The following TOLLIP variants were observed in gnomAD, a reference collection of about 807,000 sequenced individuals.
TOLLIP encodes toll-interacting protein.
A neutral mutation model predicts 33.5 loss-of-function variants in TOLLIP; 16 were observed. The observed-to-expected ratio is 0.48, with a 90% confidence interval of 0.32 to 0.72. The LOEUF is 0.72. Ranked by LOEUF, TOLLIP falls within the 30% of genes least tolerant of loss-of-function variation. The pLI is 0.03. For missense variants in TOLLIP, 325 were observed against 396.6 expected, an observed-to-expected ratio of 0.82 and a Z score of 1.53; for synonymous variants, 176 against 163.7, an observed-to-expected ratio of 1.07 and a Z score of -0.57.
At chr11:1,305,298 G>C (rs1864395735) in intron 1 of TOLLIP, among the ~76,000 whole-genome samples, 1 of 152,238 alleles carries the variant, frequency 6.6e-6, no homozygotes, top group Non-Finnish European at 1.5e-5. Flanking sequence ...TGGCTCAGGT[G>C]CAGTCAGCAG....
At chr11:1,299,917 G>GGGGGAC (rs1864217206) in intron 1 of TOLLIP, among the ~76,000 whole-genome samples, 1 of 152,220 alleles carries the variant, frequency 6.6e-6, no homozygotes, top group South Asian at 2.1e-4. Context: ...ATGGAGACTC[G>GGGGGAC]GGGGACGGAG....
chr11:1,300,748 C>A (rs1371873330), intron 1 of TOLLIP, among the ~76,000 whole-genome samples: 3 of 152,230 alleles, frequency 2.0e-5, no homozygotes, highest in African/African-American at 7.2e-5. Flanking sequence ...CACATGCAGT[C>A]CTGGCCTCAC....
intron 4 of TOLLIP, among the ~76,000 whole-genome samples, chr11:1,287,286 C>T (rs1437372872): frequency 1.3e-5 from 2 of 152,222 alleles, no homozygotes; most frequent in Non-Finnish European, 2.9e-5. Context: ...TGTCATGAGA[C>T]ATTTACACAT....
intron 4 of TOLLIP, 55 bp downstream of exon 4, chr11:1,288,569 C>G: frequency 1.3e-6 from 2 of 1,555,526 alleles, no homozygotes; most frequent in Non-Finnish European, 1.7e-6. Context: ...GGCATAGCCC[C>G]GACGTGCTCC....
chr11:1,309,370 G>A (rs973876266), intron 1 of TOLLIP, 96 bp downstream of exon 1: 6 of 710,928 alleles, frequency 8.4e-6, no homozygotes, highest in Non-Finnish European at 1.1e-5. Flanking sequence ...CCGCGGAGTC[G>A]GCCCGCCAGC....
chr11:1,295,880 G>A, intron 1 of TOLLIP, 86 bp from the exon 2 acceptor site: 2 of 1,451,750 alleles, frequency 1.4e-6, no homozygotes, highest in Non-Finnish European at 9.2e-7. Context: ...CATTCCCGCG[G>A]CCCCGCCCCC....
chr11:1,277,287 G>T lies in TOLLIP; in HGVS notation c.611-34C>A. ...AAAGATCAAGTTTGGTAAAAACGTC[G>T]GAAAGTTCCAGAAGTGCCACACTAG... On this transcript the variant is annotated intron_variant, in intron 5 of 5. Transcript: ENST00000317204. The surrounding 1 kb of genome is among the most constrained non-coding windows in gnomAD (Gnocchi z 4.2). 10 of 1,496,162 alleles carry T rather than the reference G, an allele frequency of 6.7e-6. No individual in the cohort carries two copies. The highest frequency in any genetic ancestry group is 9.0e-6 in the Non-Finnish European group (10 of 1,114,004). The allele number at this position is 1,496,162 out of a possible 1,614,324, so 92.7% of individuals were successfully genotyped here. A position where few individuals can be genotyped will look rare whatever the true frequency, so the allele number is the denominator to read the frequency against.
At chr11:1,291,092 T>G (rs920633342) in intron 2 of TOLLIP, 2 of 152,292 alleles carry the variant, frequency 1.3e-5, no homozygotes, top group African/African-American at 4.8e-5. Flanking sequence ...AGTGAACGTG[T>G]GTTCAGAATA....
rs779418567 is a variant in TOLLIP at position 1,287,405 on chromosome 11, C to T, written c.519+1219G>A. ...CAGCTCCCTGCTGCTGCCTCCCCGCCGCAGCCTCCCCGCCGCACCCTCCCC... is the reference window on the plus strand; with the variant it reads ...CAGCTCCCTGCTGCTGCCTCCCCGCTGCAGCCTCCCCGCCGCACCCTCCCC... On this transcript the variant is annotated intron_variant, in intron 4 of 5. Coordinates refer to ENST00000317204, the MANE Select transcript of TOLLIP (RefSeq NM_019009.4). Among the ~76,000 whole-genome samples the T allele has an allele frequency of 6.3e-3, 757 of 119,484 alleles. 156 individuals are homozygous for T. The highest frequency in any genetic ancestry group is 8.2e-3 in the Non-Finnish European group (449 of 55,008). 78.4% of individuals were successfully genotyped at this position (119,484 alleles called of 152,430 possible). A position where few individuals can be genotyped will look rare whatever the true frequency, so the allele number is the denominator to read the frequency against.
intron 3 of TOLLIP, among the ~76,000 whole-genome samples, chr11:1,289,614 C>T (rs912998242): frequency 3.5e-5 from 5 of 143,490 alleles, no homozygotes; most frequent in East Asian, 2.1e-4. Flanking sequence ...CCCAGCGGGG[C>T]GGACACATGC....
rs574347097 is a variant in TOLLIP at position 1,282,141 on chromosome 11, C to A, written c.610+3861G>T. Among the ~76,000 whole-genome samples the A allele has an allele frequency of 2.0e-5, 3 of 152,370 alleles. No individual in the cohort carries two copies. The South Asian group carries it at 6.2e-4, about 32-fold the overall frequency. ...GAACCAGGGCTCCTGGGAGAAACAGCTAACGCCAGGGCTAAGGCCGGAAAT... is the reference window on the plus strand; with the variant it reads ...GAACCAGGGCTCCTGGGAGAAACAGATAACGCCAGGGCTAAGGCCGGAAAT... On this transcript the variant is annotated intron_variant, in intron 5 of 5. Coordinates refer to ENST00000317204, the MANE Select transcript of TOLLIP (RefSeq NM_019009.4).
intron 5 of TOLLIP, chr11:1,283,331 G>A: frequency 2.9e-6 from 1 of 340,356 alleles, no homozygotes; most frequent in Non-Finnish European, 5.7e-6. Context: ...GCAAGGCCAT[G>A]GAGGGCCAGT....
chr11:1,295,241 T>G (rs1053651997), intron 2 of TOLLIP: 2 of 167,290 alleles, frequency 1.2e-5, no homozygotes, highest in African/African-American at 2.4e-5. Context: ...GGCTGCTCTG[T>G]GGGGAGGGAG....
chr11:1,291,678 C>T (rs971791808), intron 2 of TOLLIP: 3 of 165,596 alleles, frequency 1.8e-5, no homozygotes, highest in South Asian at 1.1e-4. Flanking sequence ...GCTGACCCCC[C>T]GCTGAGGGCA....
At chr11:1,287,215 G>A (rs907068573) in intron 4 of TOLLIP, among the ~76,000 whole-genome samples, 1 of 152,256 alleles carries the variant, frequency 6.6e-6, no homozygotes, top group African/African-American at 2.4e-5. Flanking sequence ...GTCAACTGCA[G>A]GTAAAATCAC....
Position 1,278,524 on chromosome 11 carries a change from G to A in TOLLIP, c.611-1271C>T, listed in dbSNP as rs1863385011. Reference sequence around the variant, plus strand: ...GCTTGCCACCAAGCCTCCTGCACCTGCTGCAAAGGCCAGGACTCCTCAGCA... The same window carrying A: ...GCTTGCCACCAAGCCTCCTGCACCTACTGCAAAGGCCAGGACTCCTCAGCA... On this transcript the variant is annotated intron_variant, in intron 5 of 5. Transcript: ENST00000317204. This position sits in a 1 kb window ranked among gnomAD's most constrained non-coding sequence, Gnocchi z 4.7. Among the ~76,000 whole-genome samples, 1 of 152,146 alleles carries A rather than the reference G, an allele frequency of 6.6e-6. No homozygotes were observed. Among genetic ancestry groups the A allele is most frequent in the Admixed American group, 6.5e-5 (1 of 15,276 alleles).
intron 1 of TOLLIP, among the ~76,000 whole-genome samples, chr11:1,297,485 C>T (rs1315031022): frequency 1.3e-5 from 2 of 152,270 alleles, no homozygotes; most frequent in Non-Finnish European, 2.9e-5. Flanking sequence ...GTTCGGGAAG[C>T]TCTCTGCAGG....
Position 1,300,606 on chromosome 11 carries a change from G to T in TOLLIP, c.34-4812C>A, listed in dbSNP as rs142610147. Among the ~76,000 whole-genome samples the T allele has an allele frequency of 4.4e-4, 67 of 152,272 alleles. 1 individual carries two copies. The East Asian group carries it at 0.012, about 28-fold the overall frequency. On this transcript the variant is annotated intron_variant, in intron 1 of 5. Transcript: ENST00000317204. ...ACGGAGAGAGCCGCTGCTTCCTTGGGCCACACTTTCTGCCCGACACCTGTT... is the reference window on the plus strand; with the variant it reads ...ACGGAGAGAGCCGCTGCTTCCTTGGTCCACACTTTCTGCCCGACACCTGTT...
At chr11:1,308,545 T>C (rs926928381) in intron 1 of TOLLIP, among the ~76,000 whole-genome samples, 1 of 152,210 alleles carries the variant, frequency 6.6e-6, no homozygotes, top group Non-Finnish European at 1.5e-5. Flanking sequence ...AGGAGGCCAC[T>C]CACGCCAGGA....
Sources: gnomAD v4.1 joint callset for allele counts (sites outside exome capture counted in the v4.1 genomes callset) on GRCh38, gnomAD v4.1.1 for gene constraint, Gnocchi (gnomAD v3.1) non-coding constraint, MANE v1.5 for transcripts, NCBI Gene and HGNC (gene_info 2026-07-23, HGNC 2026-07-21) for gene names.